The following DMD variants were observed in gnomAD, a reference collection of about 807,000 sequenced individuals.
DMD encodes the protein dystrophin.
In DMD, 63 loss-of-function variants were observed where a neutral mutation model predicts 330.1. The observed-to-expected ratio is 0.19, with a 90% confidence interval of 0.16 to 0.24. DMD has a LOEUF of 0.24. Among genes scored for constraint, DMD ranks in the 10% least tolerant of loss-of-function variants. The pLI is 1.00. For missense variants in DMD, 3,344 were observed against 2,684.1 expected (o/e 1.25, Z -5.43); for synonymous variants, 1,223 against 959.8 (o/e 1.27, Z -5.07).
intron 44 of DMD, among the ~76,000 whole-genome samples, chrX:32,048,678 G>A (rs1346122280): frequency 9.1e-6 from 1 of 110,113 alleles, no homozygotes; most frequent in Admixed American, 9.8e-5. Flanking sequence ...TGCCTCCCCT[G>A]CTAAAATGTA....
chrX:31,431,964 G>A (rs1373895797), intron 60 of DMD, among the ~76,000 whole-genome samples: 18 of 108,951 alleles, frequency 1.7e-4, no homozygotes, highest in Admixed American at 1.4e-3. Context: ...ACAGGCATGC[G>A]TCACCATGCC....
chrX:31,484,552 G>C (rs2068641461), intron 57 of DMD, among the ~76,000 whole-genome samples: 1 of 111,752 alleles, frequency 8.9e-6, no homozygotes, highest in Non-Finnish European at 1.9e-5. Context: ...TAAAGACGTA[G>C]AGCACCTCTA....
rs763458193 is a variant in DMD at position 33,218,592 on chromosome X, T to TGA, written c.7+120665_7+120666dup. Reference sequence around the variant, plus strand: ...CATTTGACTATGATGCGTCTAAGCATGAGTTTCTTTGGGTTTATCCTGTAT... The same window carrying TGA: ...CATTTGACTATGATGCGTCTAAGCATGAGAGTTTCTTTGGGTTTATCCTGTAT... On this transcript the variant is annotated intron_variant, in intron 1 of 17. Transcript: ENST00000288447. Among the ~76,000 whole-genome samples, 22 of 111,763 alleles carry TGA rather than the reference T, an allele frequency of 2.0e-4. 1 individual carries two copies. In the South Asian group the frequency reaches 4.5e-3, roughly 23 times the overall value.
chrX:32,633,375 C>T (rs1254500306), intron 11 of DMD, among the ~76,000 whole-genome samples: 1 of 111,941 alleles, frequency 8.9e-6, no homozygotes, highest in Non-Finnish European at 1.9e-5. Flanking sequence ...TTCATTCTTT[C>T]CATCTGAGAC....
intron 11 of DMD, among the ~76,000 whole-genome samples, chrX:32,633,173 CAG>C (rs1351707871): frequency 8.9e-6 from 1 of 111,809 alleles, no homozygotes; most frequent in Non-Finnish European, 1.9e-5. Context: ...GCTCCTGCAT[CAG>C]AGAGTAGGTT....
In DMD at chrX:31,773,724, CTTTTTT is replaced by C. The variant is rs762551529; in HGVS notation, c.7542+230_7542+235del. ...GACAACTATTCTTGTAAGGTTTCTG[CTTTTTT>C]TTTTTTTTTTTTTTGTATATTTCCT... On this transcript the variant is annotated intron_variant, in intron 51 of 78. Transcript: ENST00000357033. Among the ~76,000 whole-genome samples the C allele has an allele frequency of 2.2e-4, 12 of 53,550 alleles. No homozygotes were observed. The South Asian group carries it at 5.5e-3, about 25-fold the overall frequency. The allele number at this position is 53,550 out of a possible 115,157, so 46.5% of individuals were successfully genotyped here.
At chrX:32,445,500 A>T (rs1035732756) in intron 27 of DMD, among the ~76,000 whole-genome samples, 2 of 111,029 alleles carry the variant, frequency 1.8e-5, no homozygotes, top group Non-Finnish European at 3.8e-5. Flanking sequence ...CAACAGATTA[A>T]TCTAAACTTG....
intron 2 of DMD, among the ~76,000 whole-genome samples, chrX:32,928,957 A>T (rs1336791022): frequency 8.9e-6 from 1 of 112,118 alleles, no homozygotes; most frequent in African/African-American, 3.2e-5. Context: ...CCCATAACGT[A>T]AAGGAAGGTA....
intron 60 of DMD, among the ~76,000 whole-genome samples, chrX:31,429,442 C>T (rs926433584): frequency 5.4e-5 from 6 of 111,558 alleles, no homozygotes; most frequent in African/African-American, 2.0e-4. Flanking sequence ...TGCGGATCTT[C>T]GGCCAACAGC....
intron 7 of DMD, among the ~76,000 whole-genome samples, chrX:32,785,495 A>C: frequency 8.9e-6 from 1 of 111,744 alleles, no homozygotes; most frequent in East Asian, 2.8e-4. Flanking sequence ...TGTTAAGATT[A>C]ACGTGAAGAA....
At chrX:32,132,993 C>CTTTTTTTTTTTTTTTTTTTTTT (rs377615262) in intron 44 of DMD, among the ~76,000 whole-genome samples, 3 of 75,975 alleles carry the variant, frequency 3.9e-5, no homozygotes, top group African/African-American at 1.4e-4. Context: ...CTTTTCTTTT[C>CTTTTTTTTTTTTTTTTTTTTTT]TTTTTTTTTT....
chrX:31,259,891 CCA>C (rs1020635336), intron 63 of DMD, among the ~76,000 whole-genome samples: 2 of 110,503 alleles, frequency 1.8e-5, no homozygotes, highest in Admixed American at 1.9e-4. Context: ...ACCCTGATTC[CCA>C]CAGTGTTCAT....
At chrX:31,162,356 T>TAAAAAAAAAA (rs57908991) in intron 74 of DMD, among the ~76,000 whole-genome samples, 67 of 50,615 alleles carry the variant, frequency 1.3e-3, no homozygotes, top group African/African-American at 4.1e-3. Context: ...ATGAAAAATC[T>TAAAAAAAAAA]AAAAAAAAAA....
intron 60 of DMD, among the ~76,000 whole-genome samples, chrX:31,374,071 A>C (rs1192069660): frequency 1.0e-5 from 1 of 99,895 alleles, no homozygotes; most frequent in Non-Finnish European, 2.0e-5. Flanking sequence ...ACATGAAAAA[A>C]TGCTCACCAT....
rs146947882 is a variant in DMD at position 32,085,604 on chromosome X, G to A, written c.6439-117090C>T. Among the ~76,000 whole-genome samples, 132 of 69,556 alleles carry A rather than the reference G, an allele frequency of 1.9e-3. 3 individuals are homozygous for A. The highest frequency in any genetic ancestry group is 6.9e-3 in the African/African-American group (104 of 14,969). 60.4% of individuals were successfully genotyped at this position (69,556 alleles called of 115,157 possible). A position where few individuals can be genotyped will look rare whatever the true frequency, so the allele number is the denominator to read the frequency against. ...TACACACACACATATATGTATATATGTGTATATATATACGTATATATATAC... is the reference window on the plus strand; with the variant it reads ...TACACACACACATATATGTATATATATGTATATATATACGTATATATATAC... On this transcript the variant is annotated intron_variant, in intron 44 of 78. Transcript: ENST00000357033.
At chrX:31,850,520 T>C (rs2093505419) in intron 48 of DMD, among the ~76,000 whole-genome samples, 1 of 112,220 alleles carries the variant, frequency 8.9e-6, no homozygotes, top group South Asian at 3.7e-4. Flanking sequence ...CAGAAGGGAC[T>C]GTGTGGCAGC....
rs138868435 is a variant in DMD, at chrX:32,339,408, T to C, written c.5922+2692A>G. 8.1e-3 allele frequency among the ~76,000 whole-genome samples: 910 copies of C among 112,010 alleles called. 5 individuals are homozygous for C. Among genetic ancestry groups the C allele is most frequent in the Non-Finnish European group, 0.014 (736 of 53,166 alleles). On this transcript the variant is annotated intron_variant, in intron 41 of 78. Coordinates refer to ENST00000357033, the MANE Select transcript of DMD (RefSeq NM_004006.3). ...GAATTCCTAATTAAGGCAGGAGTTC[T>C]CTCATTTTGAATATCTGGTAAAATT...
At chrX:31,821,149 C>T (rs1603480545) in intron 49 of DMD, among the ~76,000 whole-genome samples, 2 of 112,658 alleles carry the variant, frequency 1.8e-5, no homozygotes, top group South Asian at 3.7e-4. Context: ...TTAGGTCCTA[C>T]GGCAAATCTT....
chrX:31,228,204 T>C (rs1603014913), intron 63 of DMD, among the ~76,000 whole-genome samples: 1 of 100,634 alleles, frequency 9.9e-6, no homozygotes. Flanking sequence ...CATGTATACA[T>C]ATGTAACTAA....
Sources: allele counts gnomAD v4.1 joint callset (sites outside exome capture counted in the v4.1 genomes callset), GRCh38; gene constraint gnomAD v4.1.1; transcripts MANE v1.5; gene names NCBI Gene and HGNC (gene_info 2026-07-23, HGNC 2026-07-21).